ACACA: variants seen among roughly 807,000 people sequenced by gnomAD.
ACACA encodes acetyl-CoA carboxylase alpha.
ACACA carries 103 observed loss-of-function variants against 296.1 expected under a neutral mutation model. That is an observed-to-expected ratio of 0.35 (90% CI 0.30 to 0.41). The LOEUF is 0.41. Among genes scored for constraint, ACACA ranks in the 10% least tolerant of loss-of-function variants. ACACA has a pLI of 1.00. For missense variants in ACACA, 1,554 were observed against 2,989.7 expected (o/e 0.52, Z 11.20); for synonymous variants, 953 against 1,038.6 (o/e 0.92, Z 1.58).
At position 37,406,363 on chromosome 17, in the gene ACACA, G is replaced by T; in HGVS notation, c.-64C>A. 6.3e-7 allele frequency: 1 copy of T among 1,578,174 alleles called. No homozygotes were observed. Among genetic ancestry groups the T allele is most frequent in the Non-Finnish European group, 8.7e-7 (1 of 1,147,482 alleles). On this transcript the variant is annotated 5_prime_UTR_variant, in exon 1 of 56. Transcript: ENST00000616317. ...CAAAGAGGGGATGGTTCTTTCCAAA[G>T]AAGACAATTTCGACGTTCCAGGAGC...
In ACACA at chr17:37,315,711, G is replaced by A. The variant is rs140306020; in HGVS notation, c.338+14462C>T. ...ACTCAGGAAGAGACATATAGGGCAA[G>A]GTATGGGGGAAGGGGCACAGAACTT... On this transcript the variant is annotated intron_variant, in intron 3 of 55. Transcript: ENST00000616317. Among the ~76,000 whole-genome samples the A allele has an allele frequency of 1.4e-3, 210 of 152,302 alleles. 1 individual carries two copies. The highest frequency in any genetic ancestry group is 4.8e-3 in the African/African-American group (201 of 41,564).
chr17:37,192,386 G>A, intron 36 of ACACA, 81 bp from the exon 37 acceptor site: 1 of 1,292,428 alleles, frequency 7.7e-7, no homozygotes, highest in Non-Finnish European at 1.1e-6. Flanking sequence ...TAAAAGAGAT[G>A]CCTGAAAATA....
At chr17:37,394,337 A>C (rs2051001527) in intron 1 of ACACA, among the ~76,000 whole-genome samples, 1 of 150,952 alleles carries the variant, frequency 6.6e-6, no homozygotes, top group Non-Finnish European at 1.5e-5. Context: ...CAGCCTCCCC[A>C]GTAGCTGGGA....
chr17:37,302,510 G>A (rs902144712), intron 3 of ACACA, among the ~76,000 whole-genome samples: 3 of 149,644 alleles, frequency 2.0e-5, no homozygotes, highest in East Asian at 3.9e-4. Context: ...ACACCCGGCC[G>A]GTCTGGAACT....
At chr17:37,253,421 A>T (rs2081085617) in intron 14 of ACACA, among the ~76,000 whole-genome samples, 1 of 152,104 alleles carries the variant, frequency 6.6e-6, no homozygotes, top group African/African-American at 2.4e-5. Flanking sequence ...AAATAAAAGA[A>T]AGAACTGTTT....
intron 1 of ACACA, among the ~76,000 whole-genome samples, chr17:37,358,109 C>T (rs891116843): frequency 1.3e-5 from 2 of 152,010 alleles, no homozygotes; most frequent in African/African-American, 4.8e-5. Context: ...AACCTCCAAA[C>T]AAAAATATCT....
chr17:37,376,085 A>C (rs780467886), intron 1 of ACACA: 2 of 1,610,828 alleles, frequency 1.2e-6, no homozygotes, highest in Non-Finnish European at 1.7e-6. Context: ...GCATGTGCTC[A>C]AGCTAACATG....
intron 2 of ACACA, among the ~76,000 whole-genome samples, chr17:37,336,579 G>A (rs1168715217): frequency 1.3e-5 from 2 of 152,224 alleles, no homozygotes; most frequent in African/African-American, 2.4e-5. Flanking sequence ...GACAATGATC[G>A]GGATATAAAC....
At chr17:37,120,054 T>C (rs2074453093) in intron 50 of ACACA, among the ~76,000 whole-genome samples, 1 of 151,294 alleles carries the variant, frequency 6.6e-6, no homozygotes, top group Non-Finnish European at 1.5e-5. Context: ...CCACCCCATC[T>C]GGCTAATTTT....
At chr17:37,142,125 C>A (rs1214824293) in intron 45 of ACACA, among the ~76,000 whole-genome samples, 1 of 151,874 alleles carries the variant, frequency 6.6e-6, no homozygotes, top group Non-Finnish European at 1.5e-5. Context: ...CAAATAGAGT[C>A]TCAGAGCTTT....
chr17:37,102,062 T>C (rs1268970370), intron 52 of ACACA, among the ~76,000 whole-genome samples: 2 of 152,190 alleles, frequency 1.3e-5, no homozygotes, highest in Non-Finnish European at 2.9e-5. Flanking sequence ...TCAACGTTAC[T>C]GCGTGCTTTC....
chr17:37,320,513 A>C lies in ACACA; in HGVS notation c.338+9660T>G, dbSNP rs558873364. Among the ~76,000 whole-genome samples, 3 of 151,818 alleles carry C rather than the reference A, an allele frequency of 2.0e-5. No individual in the cohort carries two copies. In the South Asian group the frequency reaches 6.2e-4, roughly 32 times the overall value. On this transcript the variant is annotated intron_variant, in intron 3 of 55. Transcript: ENST00000616317. ...GCGACAGAGCGAGACTTCATCTCAA[A>C]AAAAAAAAAGCATATCTGTTACACC...
chr17:37,328,083 G>C (rs2047701659), intron 3 of ACACA, among the ~76,000 whole-genome samples: 1 of 152,148 alleles, frequency 6.6e-6, no homozygotes, highest in Non-Finnish European at 1.5e-5. Flanking sequence ...ATAATGCTTT[G>C]TTCACTAACT....
chr17:37,336,608 T>C (rs2048131333), intron 2 of ACACA, among the ~76,000 whole-genome samples: 2 of 152,314 alleles, frequency 1.3e-5, no homozygotes, highest in South Asian at 4.1e-4. Context: ...TCGAGCCAGC[T>C]ACAGCTACCC....
At chr17:37,391,876 T>A in intron 1 of ACACA, 1 of 719,966 alleles carries the variant, frequency 1.4e-6, no homozygotes, top group Non-Finnish European at 2.4e-6. Context: ...AGTGTGGGCT[T>A]AGCAGAGTTA....
chr17:37,179,750 T>C (rs1439634119), intron 40 of ACACA, among the ~76,000 whole-genome samples: 1 of 151,628 alleles, frequency 6.6e-6, no homozygotes, highest in African/African-American at 2.4e-5. Flanking sequence ...AAAAGGAAAA[T>C]CCTAAAGAAA....
At chr17:37,103,158 A>G (rs1467951888) in intron 52 of ACACA, among the ~76,000 whole-genome samples, 1 of 152,226 alleles carries the variant, frequency 6.6e-6, no homozygotes, top group Admixed American at 6.5e-5. Context: ...CTCTCCTTGT[A>G]CAGCAAAGCA....
chr17:37,343,431 C>T (rs1341998263), intron 1 of ACACA, among the ~76,000 whole-genome samples: 1 of 152,172 alleles, frequency 6.6e-6, no homozygotes, highest in Non-Finnish European at 1.5e-5. Context: ...CAAGCTTTTA[C>T]AACATGTCCT....
intron 3 of ACACA, among the ~76,000 whole-genome samples, chr17:37,321,205 T>C (rs982272237): frequency 3.3e-5 from 5 of 152,212 alleles, no homozygotes; most frequent in African/African-American, 7.2e-5. Context: ...ACTATTGTCC[T>C]CTAAACTTCT....
Sources: allele counts gnomAD v4.1 joint callset (sites outside exome capture counted in the v4.1 genomes callset), GRCh38; gene constraint gnomAD v4.1.1; transcripts MANE v1.5; gene names NCBI Gene and HGNC (gene_info 2026-07-23, HGNC 2026-07-21).